Variants in PKNOX1 observed in about 807,000 individuals in gnomAD.
The protein encoded by PKNOX1 is homeobox protein PKNOX1.
PKNOX1 carries 15 observed loss-of-function variants against 51.9 expected under a neutral mutation model. That is an observed-to-expected ratio of 0.29 (90% confidence interval 0.19 to 0.45). The LOEUF (loss-of-function observed/expected upper bound fraction) is 0.45, where lower values mean the gene tolerates loss of function less well. Among genes scored for constraint, PKNOX1 ranks in the 20% least tolerant of loss-of-function variants. The probability of loss-of-function intolerance (pLI) is 1.00; values close to 1 mark genes in which losing one functional copy is unlikely to be tolerated. For synonymous variants in PKNOX1, 219 were observed against 211.1 expected (o/e 1.04, Z -0.32); for missense variants, 462 against 547.5 (o/e 0.84, Z 1.56).
At position 43,004,413 on chromosome 21, in the gene PKNOX1, G is replaced by A. The variant is rs1243185755; in HGVS notation, c.32G>A (p.Ser11Asn). The A allele has an allele frequency of 3.1e-6, 5 of 1,608,934 alleles. No individual in the cohort carries two copies. The highest frequency in any genetic ancestry group is 4.3e-6 in the Non-Finnish European group (5 of 1,175,410). MMATQTLSID[S>N]YQDGQQMQVV... ...GCTACACAGACATTAAGTATAGACA[G>A]CTATCAAGATGGGCAACAGGTGAGC... Residue 11 changes from serine (S) to asparagine (N), a missense_variant, in exon 2 of 11, where the codon AGC (serine) becomes AAC (asparagine). Transcript: ENST00000291547.
At chr21:43,022,698 A>G (rs1177012635) in intron 8 of PKNOX1, among the ~76,000 whole-genome samples, 1 of 152,174 alleles carries the variant, frequency 6.6e-6, no homozygotes, top group Non-Finnish European at 1.5e-5. Flanking sequence ...AAGAAAACGG[A>G]AAGATTTGTG....
chr21:43,001,890 A>T (rs1487176607), intron 1 of PKNOX1, among the ~76,000 whole-genome samples: 3 of 152,042 alleles, frequency 2.0e-5, no homozygotes, highest in East Asian at 1.9e-4. Context: ...AACCTGGGAG[A>T]TGGAGCTTGC....
At chr21:42,994,766 A>T (rs952985204) in intron 1 of PKNOX1, among the ~76,000 whole-genome samples, 9 of 152,140 alleles carry the variant, frequency 5.9e-5, no homozygotes, top group Admixed American at 5.2e-4. Context: ...TTATCACACC[A>T]TCAAAATAAC....
At chr21:42,996,465 C>T (rs541728886) in intron 1 of PKNOX1, among the ~76,000 whole-genome samples, 4 of 152,200 alleles carry the variant, frequency 2.6e-5, no homozygotes, top group East Asian at 1.9e-4. Flanking sequence ...AGTGCATTGG[C>T]GCCAGCTTTC....
At chr21:42,989,658 A>T (rs896800042) in intron 1 of PKNOX1, among the ~76,000 whole-genome samples, 14 of 152,102 alleles carry the variant, frequency 9.2e-5, no homozygotes, top group Non-Finnish European at 1.9e-4. Context: ...ACCTCAAGTA[A>T]TCTGCCTGCC....
At chr21:42,990,486 T>A (rs1412578637) in intron 1 of PKNOX1, among the ~76,000 whole-genome samples, 1 of 152,126 alleles carries the variant, frequency 6.6e-6, no homozygotes, top group Admixed American at 6.6e-5. Context: ...ACCCCCAGAC[T>A]AGTAAAAATG....
intron 5 of PKNOX1, among the ~76,000 whole-genome samples, chr21:43,013,712 C>G (rs1979355776): frequency 1.3e-5 from 2 of 152,154 alleles, no homozygotes; most frequent in African/African-American, 4.8e-5. Context: ...TCCCCCTCCC[C>G]TAGCCCCTGG....
chr21:43,021,494 G>A lies in PKNOX1; in HGVS notation c.849+63G>A. On this transcript the variant is annotated intron_variant, in intron 8 of 10. Coordinates refer to ENST00000291547, the MANE Select transcript of PKNOX1 (RefSeq NM_004571.5). The surrounding 1 kb of genome is among the most constrained non-coding windows in gnomAD (Gnocchi z 4.6). ...CTGCGACGCTTGCTCTCTGGCTTAT[G>A]TGTCATGGAAAAGGGTTACTTCTCT... 6.6e-7 allele frequency: 1 copy of A among 1,505,648 alleles called. No individual in the cohort carries two copies. Among genetic ancestry groups the A allele is most frequent in the East Asian group, 2.4e-5 (1 of 42,198 alleles). 93.3% of individuals were successfully genotyped at this position (1,505,648 alleles called of 1,614,324 possible).
At chr21:42,976,139 A>G (rs867306057) in intron 1 of PKNOX1, among the ~76,000 whole-genome samples, 1 of 152,224 alleles carries the variant, frequency 6.6e-6, no homozygotes, top group African/African-American at 2.4e-5. Context: ...CCGCAGTAAA[A>G]TAAGTATTGC....
chr21:42,993,749 T>TGAAACAGAG (rs1978352431), intron 1 of PKNOX1, among the ~76,000 whole-genome samples: 1 of 121,856 alleles, frequency 8.2e-6, no homozygotes, highest in Admixed American at 9.2e-5. Flanking sequence ...TTTTTTTTTT[T>TGAAACAGAG]TGAAACAGAG....
At chr21:43,018,591 A>G (rs1048977964) in intron 7 of PKNOX1, among the ~76,000 whole-genome samples, 3 of 147,558 alleles carry the variant, frequency 2.0e-5, no homozygotes, top group South Asian at 4.3e-4. Context: ...GTAGGCACAC[A>G]CTCCCCAGGG....
At chr21:43,013,032 C>A in intron 4 of PKNOX1, 36 bp from the exon 5 acceptor site, 1 of 1,530,714 alleles carries the variant, frequency 6.5e-7, no homozygotes. Flanking sequence ...ATAATGCCAC[C>A]TTTTTCTCTG....
Position 43,032,301 on chromosome 21 carries a change from C to CGGACTCCTTAAAATA in PKNOX1, c.*2200_*2201insGGACTCCTTAAAATA. On this transcript the variant is annotated 3_prime_UTR_variant, in exon 11 of 11. Coordinates refer to ENST00000291547, the MANE Select transcript of PKNOX1 (RefSeq NM_004571.5). ...AAAATAAGCACCCATGAAAGCCAGC[C>CGGACTCCTTAAAATA]AGCCCTTCCTCCTTCCCTCACCACC... 2.3e-6 allele frequency: 1 copy of CGGACTCCTTAAAATA among 440,382 alleles called. No homozygotes were observed. The highest frequency in any genetic ancestry group is 4.6e-6 in the Non-Finnish European group (1 of 216,802). The allele number at this position is 440,382 out of a possible 1,614,324, so 27.3% of individuals were successfully genotyped here.
chr21:42,979,570 G>A (rs1193578940), intron 1 of PKNOX1, among the ~76,000 whole-genome samples: 2 of 152,052 alleles, frequency 1.3e-5, no homozygotes, highest in Non-Finnish European at 2.9e-5. Context: ...GTGAAACCCC[G>A]TCTCTACTAA....
Position 43,031,799 on chromosome 21 carries a change from T to A in PKNOX1, c.*1698T>A, listed in dbSNP as rs1316852649. On this transcript the variant is annotated 3_prime_UTR_variant, in exon 11 of 11. Coordinates refer to ENST00000291547, the MANE Select transcript of PKNOX1 (RefSeq NM_004571.5). ...GAAGTCAGTGGGAAACACACAGAAA[T>A]TTGTTTTAAAATCTTTCAGGAGCTT... The A allele has an allele frequency of 6.3e-6, 1 of 158,788 alleles. No individual in the cohort carries two copies. Among genetic ancestry groups the A allele is most frequent in the Non-Finnish European group, 1.4e-5 (1 of 72,076 alleles). The allele number at this position is 158,788 out of a possible 1,614,324, so 9.8% of individuals were successfully genotyped here. A position where few individuals can be genotyped will look rare whatever the true frequency, so the allele number is the denominator to read the frequency against.
chr21:42,985,086 C>T lies in PKNOX1; in HGVS notation c.-57+10422C>T, dbSNP rs372296354. Among the ~76,000 whole-genome samples the T allele has an allele frequency of 8.0e-5, 11 of 137,820 alleles. No individual in the cohort carries two copies. The Admixed American group carries it at 8.1e-4, about 10-fold the overall frequency. 90.4% of individuals were successfully genotyped at this position (137,820 alleles called of 152,430 possible). A position where few individuals can be genotyped will look rare whatever the true frequency, so the allele number is the denominator to read the frequency against. ...CACTGCAACCTCTGTCTCCCGGGTT[C>T]GAGCGATTCTCCTGCCTCAGCCTCC... On this transcript the variant is annotated intron_variant, in intron 1 of 10. Coordinates refer to ENST00000291547, the MANE Select transcript of PKNOX1 (RefSeq NM_004571.5).
At chr21:43,002,203 T>C (rs1045275522) in intron 1 of PKNOX1, among the ~76,000 whole-genome samples, 1 of 152,120 alleles carries the variant, frequency 6.6e-6, no homozygotes, top group African/African-American at 2.4e-5. Context: ...ATGTACTAAC[T>C]ATACTTTGAT....
intron 1 of PKNOX1, among the ~76,000 whole-genome samples, chr21:42,992,743 CTGGGGGGTTCCCTCATAGCAT>C (rs1320933920): frequency 7.1e-6 from 1 of 141,388 alleles, no homozygotes; most frequent in Non-Finnish European, 1.6e-5. Context: ...CCTCACAGCA[CTGGGGGGTTCCCTCATAGCAT>C]TGGGGGCTTC....
chr21:42,993,082 C>T (rs144540904), intron 1 of PKNOX1, among the ~76,000 whole-genome samples: 81 of 152,254 alleles, frequency 5.3e-4, no homozygotes, highest in Admixed American at 2.2e-3. Context: ...CGCACACCAT[C>T]ATTTCCACTG....
Sources: gnomAD v4.1 joint callset for allele counts (sites outside exome capture counted in the v4.1 genomes callset) on GRCh38, gnomAD v4.1.1 for gene constraint, Gnocchi (gnomAD v3.1) non-coding constraint, MANE v1.5 for transcripts, NCBI Gene and HGNC (gene_info 2026-07-23, HGNC 2026-07-21) for gene names.